The following TTC7B variants were observed in gnomAD, a reference collection of about 807,000 sequenced individuals.
The protein encoded by TTC7B is tetratricopeptide repeat domain 7B, also known as tetratricopeptide repeat protein 7B.
In TTC7B, 28 loss-of-function variants were observed where a neutral mutation model predicts 106.8. The ratio of observed to expected loss-of-function variants is 0.26; its 90% CI spans 0.19 to 0.36. The LOEUF is 0.36. Among genes scored for constraint, TTC7B ranks in the 10% least tolerant of loss-of-function variants. The pLI is 1.00. For synonymous variants in TTC7B, 405 were observed against 430.6 expected (o/e 0.94, Z 0.74); for missense variants, 862 against 1,076.4 (o/e 0.80, Z 2.79).
At chr14:90,603,191 T>TGGTG in intron 17 of TTC7B, 1 of 1,094,850 alleles carries the variant, frequency 9.1e-7, no homozygotes. Flanking sequence ...GCACATTCCG[T>TGGTG]GGTGGGGGGA....
Position 90,541,302 on chromosome 14 carries a change from C to T in TTC7B, c.*66G>A. The T allele has an allele frequency of 2.1e-6, 3 of 1,442,194 alleles. No homozygotes were observed. Among genetic ancestry groups the T allele is most frequent in the Non-Finnish European group, 2.8e-6 (3 of 1,064,962 alleles). 89.3% of individuals were successfully genotyped at this position (1,442,194 alleles called of 1,614,324 possible). ...CAGATTCATCCCCTTGGGGCGATGG[C>T]ACAAGCCCTGGTGCCCGGCAGGGCC... On this transcript the variant is annotated 3_prime_UTR_variant, in exon 20 of 20. Coordinates refer to ENST00000328459, the MANE Select transcript of TTC7B (RefSeq NM_001010854.2).
At chr14:90,545,094 C>A (rs564416976) in intron 19 of TTC7B, among the ~76,000 whole-genome samples, 1 of 152,226 alleles carries the variant, frequency 6.6e-6, no homozygotes, top group Non-Finnish European at 1.5e-5. Flanking sequence ...AGAAAGGCCA[C>A]GTTCTTGCCC....
At chr14:90,681,073 G>A (rs1008067478) in intron 7 of TTC7B, among the ~76,000 whole-genome samples, 2 of 152,172 alleles carry the variant, frequency 1.3e-5, no homozygotes, top group Non-Finnish European at 2.9e-5. Flanking sequence ...GCATGCAAGA[G>A]CTCTTATTAA....
intron 1 of TTC7B, among the ~76,000 whole-genome samples, chr14:90,801,222 C>CAAAA (rs67620286): frequency 7.2e-4 from 51 of 70,802 alleles, no homozygotes; most frequent in Admixed American, 1.5e-3. Context: ...AAGACCCTAT[C>CAAAA]AAAAAAAAAA....
At chr14:90,602,735 G>A (rs1046307029) in intron 17 of TTC7B, among the ~76,000 whole-genome samples, 4 of 151,402 alleles carry the variant, frequency 2.6e-5, no homozygotes, top group Non-Finnish European at 5.9e-5. Flanking sequence ...CTACATCCAG[G>A]GAATTAAGCA....
rs190294675 is a variant in TTC7B at position 90,802,783 on chromosome 14, G to A, written c.121+13392C>T. Among the ~76,000 whole-genome samples the A allele has an allele frequency of 2.9e-4, 44 of 152,240 alleles. 1 individual carries two copies. Among genetic ancestry groups the A allele is most frequent in the Admixed American group, 2.4e-3 (36 of 15,288 alleles). On this transcript the variant is annotated intron_variant, in intron 1 of 19. Coordinates refer to ENST00000328459, the MANE Select transcript of TTC7B (RefSeq NM_001010854.2). The surrounding 1 kb of genome is among the most constrained non-coding windows in gnomAD (Gnocchi z 4.7). ...GGCGTGGAGAGGCAGAGAGCCGGGT[G>A]TAACAGGGCAGGGACACTGTCAAGC...
intron 15 of TTC7B, among the ~76,000 whole-genome samples, chr14:90,620,661 C>T (rs1566802605): frequency 6.6e-6 from 1 of 152,208 alleles, no homozygotes; most frequent in East Asian, 1.9e-4. Context: ...CCAATGGCGC[C>T]TGCCCCCAGA....
chr14:90,585,996 AGTT>A (rs1394284713), intron 18 of TTC7B, among the ~76,000 whole-genome samples: 3 of 152,168 alleles, frequency 2.0e-5, no homozygotes, highest in African/African-American at 7.2e-5. Flanking sequence ...TTATTTTAGT[AGTT>A]GTTATGTGTT....
At chr14:90,694,796 T>C in intron 6 of TTC7B, among the ~76,000 whole-genome samples, 1 of 137,172 alleles carries the variant, frequency 7.3e-6, no homozygotes, top group East Asian at 2.1e-4. Flanking sequence ...TTATATACAT[T>C]TTATTATAAA....
In TTC7B at chr14:90,816,239, G is replaced by T. The variant is rs773431845; in HGVS notation, c.57C>A (p.Ser19=). 1.0e-5 allele frequency: 13 copies of T among 1,264,410 alleles called. No individual in the cohort carries two copies. The highest frequency in any genetic ancestry group is 4.6e-5 in the Admixed American group (2 of 43,330). 78.3% of individuals were successfully genotyped at this position (1,264,410 alleles called of 1,614,324 possible). The change falls in exon 1 of 20, where the codon TCC becomes TCA. Residue 19 remains serine (S), a synonymous_variant. Coordinates refer to ENST00000328459, the MANE Select transcript of TTC7B (RefSeq NM_001010854.2). Reference sequence around the variant, plus strand: ...CAGGGATCCGCTCCCACTGGCACTCGGAGCGGCAGCGCTCGATCTCCGTCT... The same window carrying T: ...CAGGGATCCGCTCCCACTGGCACTCTGAGCGGCAGCGCTCGATCTCCGTCT... ...RLETEIERCR[S]ECQWERIPEL... is the part of the protein sequence containing the mutation.
chr14:90,622,439 T>G (rs1185683078), intron 15 of TTC7B, among the ~76,000 whole-genome samples: 2 of 151,526 alleles, frequency 1.3e-5, no homozygotes, highest in East Asian at 4.0e-4. Flanking sequence ...TTTAAAAAAT[T>G]TATATATTAG....
At chr14:90,764,244 C>T (rs1339024223) in intron 3 of TTC7B, among the ~76,000 whole-genome samples, 1 of 152,128 alleles carries the variant, frequency 6.6e-6, no homozygotes, top group Non-Finnish European at 1.5e-5. Flanking sequence ...GCTGAAACAA[C>T]TGAAGATCCA....
At chr14:90,555,969 A>C (rs1369476807) in intron 19 of TTC7B, among the ~76,000 whole-genome samples, 2 of 152,218 alleles carry the variant, frequency 1.3e-5, no homozygotes, top group Non-Finnish European at 2.9e-5. Flanking sequence ...CGGGGTCCAC[A>C]TGAGCTCCCT....
chr14:90,611,625 C>T (rs979747409), intron 16 of TTC7B, among the ~76,000 whole-genome samples: 1 of 152,116 alleles, frequency 6.6e-6, no homozygotes, highest in African/African-American at 2.4e-5. Context: ...GCCTCCATAC[C>T]ACCACTCCTA....
At chr14:90,607,339 A>G (rs1892684201) in intron 17 of TTC7B, among the ~76,000 whole-genome samples, 2 of 152,094 alleles carry the variant, frequency 1.3e-5, no homozygotes, top group South Asian at 4.1e-4. Context: ...GTGGCTGTGC[A>G]CCCTCACGGA....
intron 8 of TTC7B, among the ~76,000 whole-genome samples, chr14:90,679,996 A>C (rs555758968): frequency 1.3e-5 from 2 of 152,356 alleles, no homozygotes; most frequent in South Asian, 4.1e-4. Context: ...GGAGGATGAG[A>C]GTTTCATCAA....
chr14:90,780,456 GAAAGAAAGAAAGAA>G (rs1389401282), intron 3 of TTC7B, among the ~76,000 whole-genome samples: 2 of 132,322 alleles, frequency 1.5e-5, no homozygotes, highest in Non-Finnish European at 3.0e-5. Context: ...GGAAAGAAAA[GAAAGAAAGAAAGAA>G]AAAGAAAGAA....
intron 19 of TTC7B, chr14:90,569,784 C>T (rs1355357314): frequency 6.6e-6 from 1 of 152,368 alleles, no homozygotes; most frequent in Non-Finnish European, 1.5e-5. Flanking sequence ...CATAACAGCC[C>T]TCAGGCAGGT....
At chr14:90,679,597 AG>A (rs1886971457) in intron 8 of TTC7B, among the ~76,000 whole-genome samples, 1 of 152,208 alleles carries the variant, frequency 6.6e-6, no homozygotes, top group East Asian at 1.9e-4. Context: ...CGCCTGCTCT[AG>A]GCCTCAGGTT....
Sources: allele counts gnomAD v4.1 joint callset (sites outside exome capture counted in the v4.1 genomes callset), GRCh38; gene constraint gnomAD v4.1.1; non-coding constraint Gnocchi (gnomAD v3.1); transcripts MANE v1.5; gene names NCBI Gene and HGNC (gene_info 2026-07-23, HGNC 2026-07-21).